Variants in PKIB observed in about 807,000 individuals in gnomAD.
The protein encoded by PKIB is cAMP-dependent protein kinase inhibitor beta.
A neutral mutation model predicts 4.5 loss-of-function variants in PKIB; 2 were observed. The observed-to-expected ratio is 0.44, with a 90% CI of 0.18 to 1.39. PKIB has a LOEUF of 1.39. Ranked by LOEUF, PKIB falls within the 40% of genes most tolerant of loss-of-function variation. The pLI, the probability that PKIB is intolerant of heterozygous loss-of-function variation, is 0.27. For synonymous variants in PKIB, 38 were observed against 36.0 expected, an observed-to-expected ratio of 1.06 and a Z score of -0.20; for missense variants, 94 against 92.6, an observed-to-expected ratio of 1.02 and a Z score of -0.06.
intron 2 of PKIB, among the ~76,000 whole-genome samples, chr6:122,642,374 C>T (rs1464141899): frequency 1.3e-5 from 2 of 152,140 alleles, no homozygotes; most frequent in African/African-American, 2.4e-5. Context: ...GTTCATTGTT[C>T]TGTTTGTTAT....
intron 2 of PKIB, among the ~76,000 whole-genome samples, chr6:122,556,380 C>T (rs1341347614): frequency 6.6e-6 from 1 of 152,196 alleles, no homozygotes; most frequent in African/African-American, 2.4e-5. Context: ...CAAGTTACTG[C>T]ATCTGGCCCC....
At chr6:122,496,081 C>A (rs1776069886) in intron 2 of PKIB, among the ~76,000 whole-genome samples, 2 of 151,502 alleles carry the variant, frequency 1.3e-5, no homozygotes. Context: ...ACTGTCCAGT[C>A]CTTCACCCAA....
chr6:122,481,389 C>T (rs1053504093), intron 2 of PKIB: 22 of 152,174 alleles, frequency 1.4e-4, no homozygotes, highest in African/African-American at 5.3e-4. Flanking sequence ...CTAAATGCCA[C>T]ATGTAATCAT....
chr6:122,551,962 G>A (rs556088357), intron 2 of PKIB, among the ~76,000 whole-genome samples: 1 of 146,310 alleles, frequency 6.8e-6, no homozygotes, highest in African/African-American at 2.5e-5. Context: ...TTAGTCTTGG[G>A]CCATTCTAGA....
At position 122,635,969 on chromosome 6, in the gene PKIB, G is replaced by A. The variant is rs370950163; in HGVS notation, c.-76+2602G>A. Among the ~76,000 whole-genome samples the A allele has an allele frequency of 7.2e-5, 11 of 152,068 alleles. No individual in the cohort carries two copies. The East Asian group carries it at 9.6e-4, about 13-fold the overall frequency. Reference sequence around the variant, plus strand: ...TATCATTTAACAAATTTTAACCAACGCAATAAATGTTTTAAAAGACTAATA... The same window carrying A: ...TATCATTTAACAAATTTTAACCAACACAATAAATGTTTTAAAAGACTAATA... On this transcript the variant is annotated intron_variant, in intron 2 of 4. Coordinates refer to ENST00000368452, the MANE Select transcript of PKIB (RefSeq NM_181795.3).
chr6:122,481,579 T>C (rs961127524), intron 2 of PKIB: 1 of 152,244 alleles, frequency 6.6e-6, no homozygotes, highest in East Asian at 1.9e-4. Context: ...AAAAGTATTA[T>C]ATTTTTGAAA....
chr6:122,720,453 T>C (rs553511734), intron 4 of PKIB, among the ~76,000 whole-genome samples: 1 of 152,108 alleles, frequency 6.6e-6, no homozygotes, highest in Admixed American at 6.5e-5. Context: ...TGCTGATGAA[T>C]TGGATGTGGC....
At chr6:122,655,499 C>A (rs1776735405) in intron 2 of PKIB, among the ~76,000 whole-genome samples, 1 of 152,112 alleles carries the variant, frequency 6.6e-6, no homozygotes, top group African/African-American at 2.4e-5. Context: ...CAGGCCCTCA[C>A]CAGAGACTGA....
At chr6:122,666,037 A>C (rs746101767) in intron 2 of PKIB, among the ~76,000 whole-genome samples, 6 of 152,202 alleles carry the variant, frequency 3.9e-5, no homozygotes, top group Non-Finnish European at 5.9e-5. Context: ...CCACAGTACA[A>C]ATAAGGAAAT....
At chr6:122,626,557 G>T (rs1246111709) in intron 1 of PKIB, among the ~76,000 whole-genome samples, 1 of 152,304 alleles carries the variant, frequency 6.6e-6, no homozygotes, top group South Asian at 2.1e-4. Context: ...CACAGAAGAT[G>T]CGGCATTTGA....
intron 2 of PKIB, among the ~76,000 whole-genome samples, chr6:122,538,437 T>A (rs1045457410): frequency 3.9e-5 from 6 of 152,256 alleles, no homozygotes; most frequent in Admixed American, 3.9e-4. Flanking sequence ...AAATAGGGAA[T>A]CCTTTCCCCA....
chr6:122,501,025 C>T (rs148785861), intron 2 of PKIB, among the ~76,000 whole-genome samples: 4 of 152,212 alleles, frequency 2.6e-5, no homozygotes, highest in African/African-American at 4.8e-5. Flanking sequence ...TCTCCCAACA[C>T]GTGGGGATTA....
intron 2 of PKIB, among the ~76,000 whole-genome samples, chr6:122,511,136 G>A (rs1170491904): frequency 3.9e-5 from 6 of 152,162 alleles, no homozygotes; most frequent in Non-Finnish European, 8.8e-5. Flanking sequence ...AAAGGCACCA[G>A]TGCTGCATGC....
intron 1 of PKIB, among the ~76,000 whole-genome samples, chr6:122,621,798 G>T (rs1264439958): frequency 6.6e-6 from 1 of 152,206 alleles, no homozygotes; most frequent in African/African-American, 2.4e-5. Context: ...AGGAAAAATG[G>T]AATCTTATTT....
chr6:122,559,746 A>G (rs1029367949), intron 2 of PKIB, among the ~76,000 whole-genome samples: 1 of 152,034 alleles, frequency 6.6e-6, no homozygotes, highest in African/African-American at 2.4e-5. Context: ...TTTTCCTTGT[A>G]GAGGTCTTTG....
intron 2 of PKIB, among the ~76,000 whole-genome samples, chr6:122,579,140 A>C (rs1773633035): frequency 6.6e-6 from 1 of 152,188 alleles, no homozygotes; most frequent in Non-Finnish European, 1.5e-5. Context: ...TCATGACTTC[A>C]GAATCTACTC....
At chr6:122,560,117 TC>T (rs1772970853) in intron 2 of PKIB, among the ~76,000 whole-genome samples, 1 of 152,174 alleles carries the variant, frequency 6.6e-6, no homozygotes, top group Admixed American at 6.5e-5. Flanking sequence ...CTTGTCTTGT[TC>T]CAGTTCTCAG....
chr6:122,520,540 T>C (rs967149307), intron 2 of PKIB, among the ~76,000 whole-genome samples: 1 of 152,148 alleles, frequency 6.6e-6, no homozygotes, highest in Non-Finnish European at 1.5e-5. Flanking sequence ...TAAGTTCACA[T>C]GTTTGTGTTT....
Position 122,510,789 on chromosome 6 carries a change from C to T in PKIB, c.-248+32850C>T, listed in dbSNP as rs531942469. On this transcript the variant is annotated intron_variant, in intron 2 of 6. Coordinates refer to the PKIB transcript ENST00000392491. ...GTTTGACCCAGATAAGGTGCTGGGT[C>T]GGGCCTGAATTGTTCCTTCACTGTA... Among the ~76,000 whole-genome samples, 150 of 152,192 alleles carry T rather than the reference C, an allele frequency of 9.9e-4. 6 individuals carry two copies. The South Asian group carries it at 0.025, about 25-fold the overall frequency.
Sources: allele counts gnomAD v4.1 joint callset (sites outside exome capture counted in the v4.1 genomes callset), GRCh38; gene constraint gnomAD v4.1.1; transcripts MANE v1.5; gene names NCBI Gene and HGNC (gene_info 2026-07-23, HGNC 2026-07-21).